MIPOL1: variants seen among roughly 807,000 people sequenced by gnomAD.
MIPOL1 encodes the protein mirror-image polydactyly gene 1 protein.
A neutral mutation model predicts 60.9 loss-of-function variants in MIPOL1; 57 were observed. That is an observed-to-expected ratio of 0.94 (90% CI 0.76 to 1.17). The LOEUF is 1.17. Among genes scored for constraint, MIPOL1 ranks in the 50% most tolerant of loss-of-function variants. The probability of loss-of-function intolerance (pLI) is 0.00; values close to 1 mark genes in which losing one functional copy is unlikely to be tolerated. For synonymous variants in MIPOL1, 179 were observed against 168.8 expected, an observed-to-expected ratio of 1.06 and a Z score of -0.47; for missense variants, 551 against 511.6, an observed-to-expected ratio of 1.08 and a Z score of -0.74.
intron 7 of MIPOL1, among the ~76,000 whole-genome samples, chr14:37,302,262 G>GTTTTTTTTT (rs57468146): frequency 1.6e-4 from 15 of 95,032 alleles, no homozygotes; most frequent in Non-Finnish European, 1.7e-4. Context: ...TGGAACTGTT[G>GTTTTTTTTT]TTTTTTTTTT....
intron 11 of MIPOL1, among the ~76,000 whole-genome samples, chr14:37,443,367 G>A (rs996199152): frequency 2.7e-5 from 4 of 150,432 alleles, no homozygotes; most frequent in Non-Finnish European, 4.4e-5. Context: ...GCTGAAATGG[G>A]AGGATTGCCT....
rs1348480961 is a variant in MIPOL1 at position 37,353,811 on chromosome 14, G to A, written c.829-15706G>A. On this transcript the variant is annotated intron_variant, in intron 9 of 12. Coordinates refer to ENST00000684589, the MANE Select transcript of MIPOL1 (RefSeq NM_001388067.1). ...TTCTTCTCTCTTTTTTTCTTTATTA[G>A]TCTTGCTAGCGATCTATCAATTTTG... Among the ~76,000 whole-genome samples the A allele has an allele frequency of 5.3e-5, 8 of 151,938 alleles. No homozygotes were observed. The East Asian group carries it at 1.2e-3, about 22-fold the overall frequency.
At chr14:37,358,514 T>C (rs955795740) in intron 9 of MIPOL1, among the ~76,000 whole-genome samples, 1 of 152,232 alleles carries the variant, frequency 6.6e-6, no homozygotes, top group African/African-American at 2.4e-5. Context: ...TTCTGACTTT[T>C]TAATCATTGC....
chr14:37,444,675 T>G (rs1566616116), intron 11 of MIPOL1, among the ~76,000 whole-genome samples: 1 of 152,082 alleles, frequency 6.6e-6, no homozygotes, highest in Non-Finnish European at 1.5e-5. Context: ...AATGTATATA[T>G]AGATCCGGAG....
chr14:37,547,761 CCT>C lies in MIPOL1; in HGVS notation c.*793_*794del, dbSNP rs749136797. On this transcript the variant is annotated 3_prime_UTR_variant, in exon 13 of 13. Transcript: ENST00000684589. ...TCATTTTTGCTTGAAAATTAGCATG[CCT>C]CTGTCTTAAAAGAGACCATCAAACC... 2.6e-5 allele frequency: 4 copies of C among 152,080 alleles called. No homozygotes were observed. The highest frequency in any genetic ancestry group is 5.9e-5 in the Non-Finnish European group (4 of 67,870). The allele number at this position is 152,080 out of a possible 1,614,324, so 9.4% of individuals were successfully genotyped here.
At chr14:37,456,726 A>G (rs1051219822) in intron 11 of MIPOL1, among the ~76,000 whole-genome samples, 5 of 152,166 alleles carry the variant, frequency 3.3e-5, no homozygotes, top group African/African-American at 1.2e-4. Context: ...TAAATTTCAT[A>G]TAGGCAGTGA....
intron 11 of MIPOL1, among the ~76,000 whole-genome samples, chr14:37,426,981 G>A (rs1018536567): frequency 6.6e-6 from 1 of 152,024 alleles, no homozygotes; most frequent in Admixed American, 6.6e-5. Context: ...GTAAATTGAT[G>A]CAGTCACTGT....
intron 12 of MIPOL1, among the ~76,000 whole-genome samples, chr14:37,515,091 G>GT (rs1826063061): frequency 6.6e-6 from 1 of 152,106 alleles, no homozygotes; most frequent in Admixed American, 6.5e-5. Context: ...TTGTTTCAGT[G>GT]TAACTTTGTC....
At chr14:37,371,749 T>G (rs2153499316) in intron 10 of MIPOL1, among the ~76,000 whole-genome samples, 1 of 152,286 alleles carries the variant, frequency 6.6e-6, no homozygotes, top group Non-Finnish European at 1.5e-5. Context: ...AGGTCAATTA[T>G]AAAACATTTG....
At chr14:37,302,529 T>C (rs918224511) in intron 7 of MIPOL1, among the ~76,000 whole-genome samples, 9 of 151,780 alleles carry the variant, frequency 5.9e-5, no homozygotes, top group Non-Finnish European at 5.9e-5. Flanking sequence ...CTTGCACATA[T>C]TTTCTTCTAG....
intron 1 of MIPOL1, among the ~76,000 whole-genome samples, chr14:37,227,472 AGT>A (rs1969935474): frequency 6.6e-6 from 1 of 151,820 alleles, no homozygotes; most frequent in Non-Finnish European, 1.5e-5. Flanking sequence ...TAAAACATGA[AGT>A]GTGTGGTGTG....
intron 9 of MIPOL1, among the ~76,000 whole-genome samples, chr14:37,356,487 C>T (rs1183964550): frequency 1.4e-4 from 21 of 152,270 alleles, no homozygotes; most frequent in South Asian, 6.2e-4. Flanking sequence ...TGGGCAATGG[C>T]GGGCGCCCCT....
At chr14:37,387,009 A>C (rs893372464) in intron 10 of MIPOL1, among the ~76,000 whole-genome samples, 3 of 151,886 alleles carry the variant, frequency 2.0e-5, no homozygotes, top group East Asian at 3.9e-4. Context: ...AAATAAATTC[A>C]ACAAGTGTCA....
chr14:37,366,859 T>C (rs2092486444), intron 9 of MIPOL1, among the ~76,000 whole-genome samples: 1 of 152,098 alleles, frequency 6.6e-6, no homozygotes, highest in Non-Finnish European at 1.5e-5. Context: ...ATATTTAAAA[T>C]TGCTGCATCC....
intron 12 of MIPOL1, chr14:37,503,138 T>A (rs537790582): frequency 2.8e-4 from 43 of 152,314 alleles, no homozygotes; most frequent in African/African-American, 8.7e-4. Flanking sequence ...CAAATCTTGA[T>A]TGGTGTACCT....
chr14:37,240,791 G>A (rs922342064), intron 1 of MIPOL1, among the ~76,000 whole-genome samples: 3 of 152,122 alleles, frequency 2.0e-5, no homozygotes, highest in Admixed American at 6.5e-5. Context: ...GACTACTGCA[G>A]TATTCAAAAT....
intron 7 of MIPOL1, among the ~76,000 whole-genome samples, chr14:37,298,699 G>A (rs1204552110): frequency 1.3e-5 from 2 of 152,248 alleles, no homozygotes; most frequent in Admixed American, 1.3e-4. Context: ...ATGAAAAAAT[G>A]CTCATCATCA....
At chr14:37,468,499 T>G (rs570573366) in intron 11 of MIPOL1, among the ~76,000 whole-genome samples, 2 of 152,316 alleles carry the variant, frequency 1.3e-5, no homozygotes, top group Non-Finnish European at 2.9e-5. Flanking sequence ...TAATCCACAT[T>G]GGTTAACGAT....
At chr14:37,298,961 G>T (rs1451918462) in intron 7 of MIPOL1, among the ~76,000 whole-genome samples, 14 of 150,818 alleles carry the variant, frequency 9.3e-5, no homozygotes, top group Non-Finnish European at 1.0e-4. Context: ...TATACCCAAA[G>T]GACTATAAAT....
Sources: allele counts gnomAD v4.1 joint callset (sites outside exome capture counted in the v4.1 genomes callset), GRCh38; gene constraint gnomAD v4.1.1; transcripts MANE v1.5; gene names NCBI Gene and HGNC (gene_info 2026-07-23, HGNC 2026-07-21).